Variants in SMAD5 observed in about 807,000 individuals in gnomAD.
SMAD5 encodes SMAD family member 5, also known as MAD, mothers against decapentaplegic homolog 5.
A neutral mutation model predicts 43.1 loss-of-function variants in SMAD5; 9 were observed. The ratio of observed to expected loss-of-function variants is 0.21; its 90% CI spans 0.13 to 0.36. The LOEUF is 0.36. Ranked by LOEUF, SMAD5 falls within the 10% of genes least tolerant of loss-of-function variation. SMAD5 has a pLI of 1.00. For missense variants in SMAD5, 348 were observed against 574.0 expected, an observed-to-expected ratio of 0.61 and a Z score of 4.02; for synonymous variants, 190 against 192.4, an observed-to-expected ratio of 0.99 and a Z score of 0.10.
chr5:136,160,346 C>A (rs1244487761), intron 3 of SMAD5, among the ~76,000 whole-genome samples: 1 of 152,150 alleles, frequency 6.6e-6, no homozygotes, highest in Admixed American at 6.6e-5. Flanking sequence ...TCCAACTTCA[C>A]TCTGTAGTCT....
chr5:136,142,259 G>A (rs1433120601), intron 1 of SMAD5, among the ~76,000 whole-genome samples: 1 of 152,092 alleles, frequency 6.6e-6, no homozygotes, highest in East Asian at 1.9e-4. Flanking sequence ...TATAAGAGGG[G>A]GACTTCTAGC....
chr5:136,133,419 A>G (rs1561635478), intron 1 of SMAD5: 1 of 152,522 alleles, frequency 6.6e-6, no homozygotes, highest in Non-Finnish European at 1.5e-5. Context: ...CAATGGCTTG[A>G]TGAATCCGTG....
chr5:136,136,209 G>A (rs1260338804), intron 1 of SMAD5, among the ~76,000 whole-genome samples: 1 of 152,188 alleles, frequency 6.6e-6, no homozygotes, highest in African/African-American at 2.4e-5. Flanking sequence ...CTGGGTTCTA[G>A]CTCTGTCGCC....
intron 1 of SMAD5, among the ~76,000 whole-genome samples, chr5:136,139,128 C>CTGTG (rs57433582): frequency 0.021 from 3,010 of 140,414 alleles, 109 homozygotes; most frequent in African/African-American, 0.078. Context: ...GCTGTGAGCT[C>CTGTG]TGTGTGTGTG....
At chr5:136,171,994 A>G (rs1754237146) in intron 5 of SMAD5, among the ~76,000 whole-genome samples, 1 of 152,174 alleles carries the variant, frequency 6.6e-6, no homozygotes, top group Admixed American at 6.5e-5. Flanking sequence ...AAAGAAACAG[A>G]TCTTTCTCTA....
chr5:136,163,185 C>A lies in SMAD5; in HGVS notation c.656-87C>A, dbSNP rs1221611833. 1.4e-5 allele frequency: 16 copies of A among 1,156,280 alleles called. No homozygotes were observed. The South Asian group carries it at 2.6e-4, about 18-fold the overall frequency. The allele number at this position is 1,156,280 out of a possible 1,614,324, so 71.6% of individuals were successfully genotyped here. On this transcript the variant is annotated intron_variant, in intron 4 of 7. Transcript: ENST00000545279. Reference sequence around the variant, plus strand: ...GTGTGATGTTCAGTAATGAAGCTTGCTGGTAATCTTAAGAATTTTCTAAAG... The same window carrying A: ...GTGTGATGTTCAGTAATGAAGCTTGATGGTAATCTTAAGAATTTTCTAAAG...
chr5:136,141,941 T>C (rs1753094673), intron 1 of SMAD5, among the ~76,000 whole-genome samples: 1 of 148,274 alleles, frequency 6.7e-6, no homozygotes, highest in African/African-American at 2.7e-5. Context: ...TAGCTGCACT[T>C]TAATTTTGAA....
At chr5:136,138,262 T>C (rs1752951374) in intron 1 of SMAD5, among the ~76,000 whole-genome samples, 1 of 152,218 alleles carries the variant, frequency 6.6e-6, no homozygotes, top group African/African-American at 2.4e-5. Flanking sequence ...AAGAAGATTA[T>C]GCAGTGAGAA....
At chr5:136,158,039 A>G (rs1286324974) in intron 3 of SMAD5, among the ~76,000 whole-genome samples, 1 of 152,224 alleles carries the variant, frequency 6.6e-6, no homozygotes, top group African/African-American at 2.4e-5. Context: ...CTTAAAAAGT[A>G]CTTGTTAAAA....
At chr5:136,141,147 C>T (rs1488925715) in intron 1 of SMAD5, among the ~76,000 whole-genome samples, 1 of 151,874 alleles carries the variant, frequency 6.6e-6, no homozygotes, top group Non-Finnish European at 1.5e-5. Flanking sequence ...AATTAGTGGC[C>T]AGGGATTAAG....
At chr5:136,136,200 T>C (rs1250123426) in intron 1 of SMAD5, among the ~76,000 whole-genome samples, 1 of 152,180 alleles carries the variant, frequency 6.6e-6, no homozygotes, top group African/African-American at 2.4e-5. Flanking sequence ...CCCCCGCCAC[T>C]GGGTTCTAGC....
chr5:136,142,702 A>AG (rs1580764000), intron 1 of SMAD5, among the ~76,000 whole-genome samples: 1 of 152,196 alleles, frequency 6.6e-6, no homozygotes, highest in East Asian at 1.9e-4. Context: ...TAGTGTAAGA[A>AG]GGAGCATACC....
chr5:136,148,348 C>T (rs1478765056), intron 2 of SMAD5, among the ~76,000 whole-genome samples: 2 of 151,536 alleles, frequency 1.3e-5, no homozygotes, highest in Non-Finnish European at 3.0e-5. Context: ...TCTTACCCTC[C>T]TCCCGAACAA....
chr5:136,160,256 A>G (rs891103971), intron 3 of SMAD5, among the ~76,000 whole-genome samples: 1 of 152,220 alleles, frequency 6.6e-6, no homozygotes, highest in African/African-American at 2.4e-5. Context: ...AACGTAAAAC[A>G]TGAGATCTTT....
In SMAD5 at chr5:136,172,530, C is replaced by T; in HGVS notation, c.872C>T (p.Ser291Phe). ...GTTGGAGAAGCTTTTCATGCATCTTCTACTAGTGTGTTAGTAGATGGATTC... is the reference window on the plus strand; with the variant it reads ...GTTGGAGAAGCTTTTCATGCATCTTTTACTAGTGTGTTAGTAGATGGATTC... ...NRVGEAFHAS[S>F]TSVLVDGFTD... is the part of the protein sequence containing the mutation. Residue 291 changes from serine to phenylalanine, a missense_variant, in exon 6 of 8, where the codon TCT becomes TTT. Coordinates refer to ENST00000545279, the MANE Select transcript of SMAD5 (RefSeq NM_005903.7). 4 of 1,611,168 alleles carry T rather than the reference C, an allele frequency of 2.5e-6. No homozygotes were observed. Among genetic ancestry groups the T allele is most frequent in the Non-Finnish European group, 2.5e-6 (3 of 1,177,400 alleles).
chr5:136,140,229 G>T (rs139011735), intron 1 of SMAD5, among the ~76,000 whole-genome samples: 7 of 151,942 alleles, frequency 4.6e-5, no homozygotes, highest in Non-Finnish European at 2.9e-5. Flanking sequence ...CACCATGTTC[G>T]CCAGGCTGGT....
intron 5 of SMAD5, among the ~76,000 whole-genome samples, chr5:136,163,742 G>A (rs758186162): frequency 6.6e-6 from 1 of 152,016 alleles, no homozygotes; most frequent in African/African-American, 2.4e-5. Flanking sequence ...CTTTCACTTA[G>A]CATGTTTTTT....
Position 136,181,626 on chromosome 5 carries a change from G to A in SMAD5, c.*4146G>A, listed in dbSNP as rs571368458. Reference sequence around the variant, plus strand: ...ATCACACAAGATGCCTGAATCGAATGTGAGAATTGAAGGCATTTCTTCTGC... The same window carrying A: ...ATCACACAAGATGCCTGAATCGAATATGAGAATTGAAGGCATTTCTTCTGC... On this transcript the variant is annotated 3_prime_UTR_variant, in exon 8 of 8. Coordinates refer to ENST00000545279, the MANE Select transcript of SMAD5 (RefSeq NM_005903.7). 1 of 152,286 alleles carries A rather than the reference G, an allele frequency of 6.6e-6. No homozygotes were observed. The highest frequency in any genetic ancestry group is 2.4e-5 in the African/African-American group (1 of 41,576). The allele number at this position is 152,286 out of a possible 1,614,324, so 9.4% of individuals were successfully genotyped here.
At position 136,162,851 on chromosome 5, in the gene SMAD5, C is replaced by T. The variant is rs538737382; in HGVS notation, c.656-421C>T. Reference sequence around the variant, plus strand: ...AGTTTTACTTTCCAGTTTTAAATGACAGTATACAGTATGTGCTGATCTTAA... The same window carrying T: ...AGTTTTACTTTCCAGTTTTAAATGATAGTATACAGTATGTGCTGATCTTAA... On this transcript the variant is annotated intron_variant, in intron 4 of 7. Coordinates refer to ENST00000545279, the MANE Select transcript of SMAD5 (RefSeq NM_005903.7). Among the ~76,000 whole-genome samples the T allele has an allele frequency of 3.9e-5, 6 of 152,282 alleles. No individual in the cohort carries two copies. The East Asian group carries it at 1.2e-3, about 29-fold the overall frequency.
Sources: gnomAD v4.1 joint callset for allele counts (sites outside exome capture counted in the v4.1 genomes callset) on GRCh38, gnomAD v4.1.1 for gene constraint, MANE v1.5 for transcripts, NCBI Gene and HGNC (gene_info 2026-07-23, HGNC 2026-07-21) for gene names.